The following GRIP1 variants were observed in gnomAD, a reference collection of about 807,000 sequenced individuals.
GRIP1 encodes glutamate receptor interacting protein 1, also known as glutamate receptor-interacting protein 1.
GRIP1 carries 45 observed loss-of-function variants against 129.9 expected under a neutral mutation model. The observed-to-expected ratio is 0.35, with a 90% CI of 0.27 to 0.44. GRIP1 has a LOEUF of 0.44. Among genes scored for constraint, GRIP1 ranks in the 20% least tolerant of loss-of-function variants. GRIP1 has a pLI of 1.00. For synonymous variants in GRIP1, 530 were observed against 520.8 expected (o/e 1.02, Z -0.24); for missense variants, 1,196 against 1,396.8 (o/e 0.86, Z 2.29).
intron 2 of GRIP1, among the ~76,000 whole-genome samples, chr12:66,585,372 G>C (rs1360672735): frequency 7.5e-6 from 1 of 134,190 alleles, no homozygotes; most frequent in African/African-American, 2.8e-5. Flanking sequence ...TTGTTCTTGC[G>C]ATAGTTTACT....
At chr12:67,035,590 T>C (rs2135792045) in intron 1 of GRIP1, 2 of 152,268 alleles carry the variant, frequency 1.3e-5, no homozygotes, top group South Asian at 4.1e-4. Context: ...GATTAGGTAT[T>C]TAAATAAGTG....
chr12:66,550,302 T>C (rs2062081784), intron 2 of GRIP1, among the ~76,000 whole-genome samples: 1 of 152,218 alleles, frequency 6.6e-6, no homozygotes, highest in Non-Finnish European at 1.5e-5. Context: ...GAACTTATGG[T>C]AATAACCCAC....
chr12:67,024,598 C>G (rs1322186435), intron 1 of GRIP1, among the ~76,000 whole-genome samples: 1 of 152,106 alleles, frequency 6.6e-6, no homozygotes. Flanking sequence ...AAAAATCCTA[C>G]CATCTTATTT....
chr12:66,819,018 G>A (rs772988189), intron 1 of GRIP1, among the ~76,000 whole-genome samples: 1 of 152,172 alleles, frequency 6.6e-6, no homozygotes, highest in African/African-American at 2.4e-5. Context: ...GTACTTAAAT[G>A]TCTTTTACAT....
At chr12:66,813,242 G>C (rs553900868) in intron 1 of GRIP1, among the ~76,000 whole-genome samples, 2 of 152,162 alleles carry the variant, frequency 1.3e-5, no homozygotes, top group Non-Finnish European at 2.9e-5. Context: ...GGAAGCAAGA[G>C]AGAGGAAAAG....
At chr12:66,736,629 CA>C (rs1319211148) in intron 1 of GRIP1, among the ~76,000 whole-genome samples, 1 of 150,612 alleles carries the variant, frequency 6.6e-6, no homozygotes, top group Non-Finnish European at 1.5e-5. Context: ...GTTGCTATCT[CA>C]GGGGTGGCAG....
intron 1 of GRIP1, among the ~76,000 whole-genome samples, chr12:66,662,775 T>C (rs2033586202): frequency 6.6e-6 from 1 of 152,196 alleles, no homozygotes; most frequent in African/African-American, 2.4e-5. Flanking sequence ...AACCACTCAA[T>C]CTAATCTCTT....
intron 1 of GRIP1, among the ~76,000 whole-genome samples, chr12:66,641,317 G>A (rs2031902202): frequency 6.6e-6 from 1 of 151,616 alleles, no homozygotes; most frequent in Non-Finnish European, 1.5e-5. Context: ...CCAGCCAGTG[G>A]GCGCTTTGAC....
intron 7 of GRIP1, among the ~76,000 whole-genome samples, chr12:66,476,568 C>A (rs2059620104): frequency 6.6e-6 from 1 of 152,008 alleles, no homozygotes; most frequent in Non-Finnish European, 1.5e-5. Flanking sequence ...GACAGAGACA[C>A]AACAAAAAAA....
intron 1 of GRIP1, among the ~76,000 whole-genome samples, chr12:66,628,057 C>T (rs2030297246): frequency 6.6e-6 from 1 of 152,166 alleles, no homozygotes; most frequent in Non-Finnish European, 1.5e-5. Flanking sequence ...TAACAAACCA[C>T]AAAATAAGCA....
chr12:66,439,098 A>T (rs1322816043), intron 13 of GRIP1, among the ~76,000 whole-genome samples: 2 of 152,316 alleles, frequency 1.3e-5, no homozygotes, highest in African/African-American at 4.8e-5. Context: ...AACATGACAG[A>T]AAGCATCTAC....
chr12:66,821,837 C>T (rs1021654780), intron 1 of GRIP1, among the ~76,000 whole-genome samples: 1 of 152,130 alleles, frequency 6.6e-6, no homozygotes, highest in African/African-American at 2.4e-5. Flanking sequence ...CATTTCATCA[C>T]ACAACAAAAA....
intron 1 of GRIP1, among the ~76,000 whole-genome samples, chr12:66,814,326 A>G (rs1330480423): frequency 6.6e-6 from 1 of 152,106 alleles, no homozygotes; most frequent in East Asian, 1.9e-4. Flanking sequence ...GTACATAGCA[A>G]GAAAAATTTA....
chr12:66,591,952 A>G (rs1400860132), intron 2 of GRIP1, among the ~76,000 whole-genome samples: 6 of 152,192 alleles, frequency 3.9e-5, no homozygotes, highest in Non-Finnish European at 8.8e-5. Context: ...GAGTCTCAAT[A>G]GTAGAACTAA....
intron 2 of GRIP1, among the ~76,000 whole-genome samples, chr12:66,594,238 CA>C (rs2063957038): frequency 6.6e-6 from 1 of 151,990 alleles, no homozygotes; most frequent in South Asian, 2.1e-4. Flanking sequence ...GGCTTCTTTT[CA>C]TTGGTGCACT....
intron 11 of GRIP1, among the ~76,000 whole-genome samples, chr12:66,454,825 A>T (rs12298258): frequency 6.6e-6 from 1 of 152,184 alleles, no homozygotes; most frequent in Admixed American, 6.5e-5. Context: ...ATCACTGATT[A>T]CCAGTGGGGT....
chr12:66,856,883 A>G (rs1009044155), intron 1 of GRIP1, among the ~76,000 whole-genome samples: 6 of 152,150 alleles, frequency 3.9e-5, no homozygotes, highest in Non-Finnish European at 8.8e-5. Context: ...GTATATACCC[A>G]AAGGATTATA....
At chr12:66,445,960 A>C (rs1174345553) in intron 11 of GRIP1, among the ~76,000 whole-genome samples, 2 of 152,190 alleles carry the variant, frequency 1.3e-5, no homozygotes, top group Non-Finnish European at 1.5e-5. Context: ...ACTTTTAAAC[A>C]ATCCTATCTT....
intron 1 of GRIP1, among the ~76,000 whole-genome samples, chr12:66,697,666 G>T (rs573450382): frequency 6.6e-6 from 1 of 152,290 alleles, no homozygotes; most frequent in African/African-American, 2.4e-5. Flanking sequence ...AGCTGAGTCA[G>T]GCACAGGGAT....
Sources: allele counts gnomAD v4.1 joint callset (sites outside exome capture counted in the v4.1 genomes callset), GRCh38; gene constraint gnomAD v4.1.1; transcripts MANE v1.5; gene names NCBI Gene and HGNC (gene_info 2026-07-23, HGNC 2026-07-21).